The following FYB1 variants were observed in gnomAD, a reference collection of about 807,000 sequenced individuals.
The protein encoded by FYB1 is FYN binding protein 1.
A neutral mutation model predicts 94.1 loss-of-function variants in FYB1; 41 were observed. The observed-to-expected ratio is 0.44, with a 90% CI of 0.34 to 0.57. The LOEUF (loss-of-function observed/expected upper bound fraction) is 0.57. FYB1 is among the 20% of genes least tolerant of loss of function. FYB1 has a pLI of 0.02. For synonymous variants in FYB1, 367 were observed against 353.2 expected (o/e 1.04, Z -0.44); for missense variants, 1,050 against 976.8 (o/e 1.07, Z -1.00).
chr5:39,161,199 T>G (rs2150375336), intron 2 of FYB1, among the ~76,000 whole-genome samples: 1 of 152,360 alleles, frequency 6.6e-6, no homozygotes, highest in South Asian at 2.1e-4. Flanking sequence ...GGGTCTCCAC[T>G]GTCAACACCT....
chr5:39,137,318 C>G, intron 7 of FYB1: 1 of 277,218 alleles, frequency 3.6e-6, no homozygotes, highest in Non-Finnish European at 6.8e-6. Context: ...TGGGGAGAGA[C>G]AAGATGGGTT....
intron 2 of FYB1, among the ~76,000 whole-genome samples, chr5:39,171,081 C>G (rs1745208309): frequency 6.6e-6 from 1 of 151,858 alleles, no homozygotes; most frequent in South Asian, 2.1e-4. Context: ...TGAGGTCAGG[C>G]ATTTGAAACC....
intron 1 of FYB1, among the ~76,000 whole-genome samples, chr5:39,230,500 G>T (rs1167004553): frequency 6.6e-6 from 1 of 152,014 alleles, no homozygotes; most frequent in Admixed American, 6.6e-5. Flanking sequence ...TTTAGGCCAT[G>T]AAATTCATGG....
At chr5:39,164,660 C>G (rs1744563029) in intron 2 of FYB1, among the ~76,000 whole-genome samples, 1 of 152,176 alleles carries the variant, frequency 6.6e-6, no homozygotes, top group Non-Finnish European at 1.5e-5. Flanking sequence ...CGTGAACTAC[C>G]TGCTTCAGTC....
At chr5:39,133,253 A>T (rs527517936) in intron 9 of FYB1, among the ~76,000 whole-genome samples, 1 of 152,354 alleles carries the variant, frequency 6.6e-6, no homozygotes, top group Non-Finnish European at 1.5e-5. Context: ...AGTTTTACCC[A>T]GGTGAAGAGC....
chr5:39,185,516 T>C (rs1438758727), intron 2 of FYB1, among the ~76,000 whole-genome samples: 1 of 110,736 alleles, frequency 9.0e-6, no homozygotes, highest in African/African-American at 3.4e-5. Flanking sequence ...GATAACTGAC[T>C]AAAAAAAAAA....
Position 39,135,034 on chromosome 5 carries a change from G to T in FYB1, c.1516-20C>A. On this transcript the variant is annotated intron_variant, in intron 7 of 18. Transcript: ENST00000512982. ...TGTTAGCTGCAAAGAGAAAAAAATA[G>T]TCACAAAAGATTTCCTTATAATTTA... 1 of 1,607,696 alleles carries T rather than the reference G, an allele frequency of 6.2e-7. No homozygotes were observed.
chr5:39,220,902 A>T (rs141077720), upstream of FYB1, among the ~76,000 whole-genome samples: 69 of 152,350 alleles, frequency 4.5e-4, no homozygotes, highest in Non-Finnish European at 7.8e-4. Flanking sequence ...GAAGCAAAAG[A>T]AGACAATGAT....
chr5:39,197,657 T>C (rs1235701135), intron 2 of FYB1, among the ~76,000 whole-genome samples: 2 of 152,248 alleles, frequency 1.3e-5, no homozygotes, highest in East Asian at 3.8e-4. Context: ...AATACCAGTG[T>C]CTTGGGATAA....
rs558492521 is a variant in FYB1 at position 39,144,508 on chromosome 5, AAG to A, written c.1293-3369_1293-3368del. ...CATGGAGAGTGAACTTATATCTTAAAAGAGAATAACAGGCTGGGCGCAGTGGC... is the reference window on the plus strand; with the variant it reads ...CATGGAGAGTGAACTTATATCTTAAAAGAATAACAGGCTGGGCGCAGTGGC... On this transcript the variant is annotated intron_variant, in intron 3 of 18. Transcript: ENST00000512982. Among the ~76,000 whole-genome samples the A allele has an allele frequency of 2.6e-5, 4 of 152,210 alleles. No individual in the cohort carries two copies. In the South Asian group the frequency reaches 8.3e-4, roughly 32 times the overall value.
chr5:39,122,030 A>G (rs1421125609), intron 14 of FYB1, among the ~76,000 whole-genome samples: 1 of 152,146 alleles, frequency 6.6e-6, no homozygotes, highest in Non-Finnish European at 1.5e-5. Flanking sequence ...GAATGAATAA[A>G]TAAACCAGAC....
intron 2 of FYB1, among the ~76,000 whole-genome samples, chr5:39,185,623 CACACATAT>C (rs1561230359): frequency 1.0e-4 from 14 of 138,758 alleles, no homozygotes; most frequent in Admixed American, 2.9e-4. Context: ...TATATATATA[CACACATAT>C]ATATATATAT....
intron 3 of FYB1, among the ~76,000 whole-genome samples, chr5:39,146,826 T>C (rs1036329239): frequency 3.3e-5 from 5 of 152,148 alleles, no homozygotes; most frequent in African/African-American, 1.2e-4. Context: ...GAATTTATAA[T>C]ATGTATATTA....
At chr5:39,176,151 T>G (rs1426167476) in intron 2 of FYB1, among the ~76,000 whole-genome samples, 341 of 111,630 alleles carry the variant, frequency 3.1e-3, no homozygotes, top group African/African-American at 0.013. Flanking sequence ...TTTTTTTTTT[T>G]TTTTTTTTTT....
At chr5:39,268,044 T>TTAA (rs1164110210) in intron 1 of FYB1, among the ~76,000 whole-genome samples, 2 of 152,152 alleles carry the variant, frequency 1.3e-5, no homozygotes, top group Non-Finnish European at 2.9e-5. Flanking sequence ...TCCAATATTA[T>TTAA]TAAAGATATT....
chr5:39,210,618 G>T (rs1380057216), intron 1 of FYB1, among the ~76,000 whole-genome samples: 2 of 152,132 alleles, frequency 1.3e-5, no homozygotes, highest in South Asian at 2.1e-4. Context: ...AACCTTCAAT[G>T]TTCTTTTCCT....
At chr5:39,178,697 C>T (rs1425507867) in intron 2 of FYB1, among the ~76,000 whole-genome samples, 1 of 151,990 alleles carries the variant, frequency 6.6e-6, no homozygotes, top group Non-Finnish European at 1.5e-5. Flanking sequence ...CAAAAAAATG[C>T]ATAAGTCCTC....
intron 2 of FYB1, among the ~76,000 whole-genome samples, chr5:39,171,013 C>T (rs984934257): frequency 6.6e-6 from 1 of 152,140 alleles, no homozygotes; most frequent in Non-Finnish European, 1.5e-5. Context: ...TTAGACTGGG[C>T]ACGGTGACTC....
intron 7 of FYB1, among the ~76,000 whole-genome samples, chr5:39,137,044 T>C (rs897719861): frequency 6.6e-6 from 1 of 152,048 alleles, no homozygotes; most frequent in African/African-American, 2.4e-5. Context: ...GATCAGAGAA[T>C]ACAGAGGTCA....
Sources: allele counts gnomAD v4.1 joint callset (sites outside exome capture counted in the v4.1 genomes callset), GRCh38; gene constraint gnomAD v4.1.1; transcripts MANE v1.5; gene names NCBI Gene and HGNC (gene_info 2026-07-23, HGNC 2026-07-21).